Variants in OR10A2 observed in about 807,000 individuals in gnomAD.
OR10A2 encodes the protein olfactory receptor 10A2.
OR10A2 carries 15 observed loss-of-function variants against 13.7 expected under a neutral mutation model. That is an observed-to-expected ratio of 1.10 (90% CI 0.73 to 1.69). The LOEUF (loss-of-function observed/expected upper bound fraction) is 1.69. Ranked by LOEUF, OR10A2 falls within the 40% of genes most tolerant of loss-of-function variation. The pLI is 0.00. For missense variants in OR10A2, 343 were observed against 361.1 expected (o/e 0.95, Z 0.41); for synonymous variants, 145 against 144.7 (o/e 1.00, Z -0.02).
intron 1 of OR10A2, among the ~76,000 whole-genome samples, chr11:6,864,367 G>T (rs142393101): frequency 6.6e-5 from 10 of 151,850 alleles, no homozygotes; most frequent in African/African-American, 2.4e-4. Flanking sequence ...ACTCCAAGAA[G>T]AATGAACTTT....
intron 1 of OR10A2, among the ~76,000 whole-genome samples, chr11:6,869,285 G>A (rs1369807159): frequency 2.0e-5 from 3 of 152,190 alleles, no homozygotes; most frequent in Non-Finnish European, 2.9e-5. Context: ...CTTCATGATA[G>A]TTATAAATAT....
At chr11:6,866,628 T>C (rs1848380654) in intron 1 of OR10A2, among the ~76,000 whole-genome samples, 1 of 152,174 alleles carries the variant, frequency 6.6e-6, no homozygotes, top group African/African-American at 2.4e-5. Context: ...GGGGTCTTTA[T>C]AAGCATATAT....
chr11:6,867,214 T>TATC (rs1848385895), intron 1 of OR10A2, among the ~76,000 whole-genome samples: 1 of 151,452 alleles, frequency 6.6e-6, no homozygotes, highest in Admixed American at 6.6e-5. Flanking sequence ...TATTCTATAT[T>TATC]ATTATTATTA....
chr11:6,864,759 A>G (rs1848366710), intron 1 of OR10A2, among the ~76,000 whole-genome samples: 1 of 151,880 alleles, frequency 6.6e-6, no homozygotes, highest in Non-Finnish European at 1.5e-5. Flanking sequence ...GTGAAGCAGA[A>G]GAAGGAGAGA....
rs571104646 is a variant in OR10A2, at chr11:6,864,504, A to C, written c.-133+1153A>C. 2.0e-5 allele frequency among the ~76,000 whole-genome samples: 3 copies of C among 152,330 alleles called. No individual in the cohort carries two copies. In the South Asian group the frequency reaches 6.2e-4, roughly 32 times the overall value. ...ACAGTTTATACTATGGAGAAGTTTA[A>C]AGAGTGACATATATATTGGTAGTAG... On this transcript the variant is annotated intron_variant, in intron 1 of 1. Coordinates refer to ENST00000641461, the MANE Select transcript of OR10A2 (RefSeq NM_001004460.2).
chr11:6,870,488 C>G lies in OR10A2; in HGVS notation c.734C>G (p.Thr245Ser). ...CTTTTCTATATATCATTAAGCCTCA[C>G]CTACTTCCGGCCTAAATCAAATAAT... ...VSLFYISLSL[T>S]YFRPKSNNSP... is the part of the protein sequence containing the mutation. Residue 245 changes from threonine to serine, a missense_variant, in exon 2 of 2, where the codon ACC becomes AGC. Transcript: ENST00000641461. 2.5e-6 allele frequency: 4 copies of G among 1,614,202 alleles called. No homozygotes were observed. The highest frequency in any genetic ancestry group is 3.4e-6 in the Non-Finnish European group (4 of 1,180,016).
At chr11:6,864,496 G>A (rs1848364929) in intron 1 of OR10A2, among the ~76,000 whole-genome samples, 1 of 152,188 alleles carries the variant, frequency 6.6e-6, no homozygotes, top group Admixed American at 6.5e-5. Flanking sequence ...ATACTATGGA[G>A]AAGTTTAAAG....
chr11:6,865,005 AAT>A (rs1848368766), intron 1 of OR10A2, among the ~76,000 whole-genome samples: 1 of 67,248 alleles, frequency 1.5e-5, no homozygotes, highest in South Asian at 5.8e-4. Context: ...TGTATATATA[AAT>A]ATATATTAAA....
At position 6,874,657 on chromosome 11, in the gene OR10A2, T is replaced by A. The variant is rs1336910929; in HGVS notation, c.*3991T>A. 1 of 152,194 alleles carries A rather than the reference T, an allele frequency of 6.6e-6. No individual in the cohort carries two copies. The highest frequency in any genetic ancestry group is 1.5e-5 in the Non-Finnish European group (1 of 68,036). 9.4% of individuals were successfully genotyped at this position (152,194 alleles called of 1,614,324 possible). Reference sequence around the variant, plus strand: ...ATCTGTGTCTCAGATTCCTTGACTGTAAAATGGGTATAATACTATCTGTAT... The same window carrying A: ...ATCTGTGTCTCAGATTCCTTGACTGAAAAATGGGTATAATACTATCTGTAT... On this transcript the variant is annotated 3_prime_UTR_variant, in exon 2 of 2. Coordinates refer to ENST00000641461, the MANE Select transcript of OR10A2 (RefSeq NM_001004460.2).
chr11:6,870,907 A>C lies in OR10A2; in HGVS notation c.*241A>C. 2.7e-6 allele frequency: 1 copy of C among 376,604 alleles called. No homozygotes were observed. The highest frequency in any genetic ancestry group is 4.7e-6 in the Non-Finnish European group (1 of 210,862). The allele number at this position is 376,604 out of a possible 1,614,324, so 23.3% of individuals were successfully genotyped here. A position where few individuals can be genotyped will look rare whatever the true frequency, so the allele number is the denominator to read the frequency against. Reference sequence around the variant, plus strand: ...TGTTTTCCTTGTTTCAACTGGTATGACAGCACTTCTGTGGCCAACTATTTC... The same window carrying C: ...TGTTTTCCTTGTTTCAACTGGTATGCCAGCACTTCTGTGGCCAACTATTTC... On this transcript the variant is annotated 3_prime_UTR_variant, in exon 2 of 2. Transcript: ENST00000641461.
In OR10A2 at chr11:6,872,817, CTT is replaced by C. The variant is rs754974386; in HGVS notation, c.*2167_*2168del. The C allele has an allele frequency of 0.13, 17,145 of 136,204 alleles. 1,153 individuals carry two copies. The highest frequency in any genetic ancestry group is 0.22 in the Middle Eastern group (57 of 258). The allele number at this position is 136,204 out of a possible 1,614,324, so 8.4% of individuals were successfully genotyped here. ...TGTTTCTCTTTTCTTTTCTTTCTTT[CTT>C]TTTTTTTTTTTTTTTGAGACAAAGG... On this transcript the variant is annotated 3_prime_UTR_variant, in exon 2 of 2. Transcript: ENST00000641461.
At chr11:6,866,183 G>A (rs1014999076) in intron 1 of OR10A2, among the ~76,000 whole-genome samples, 1 of 152,166 alleles carries the variant, frequency 6.6e-6, no homozygotes, top group African/African-American at 2.4e-5. Context: ...ATACAGCACT[G>A]AGGAATATTC....
rs1206283202 is a variant in OR10A2 at position 6,874,117 on chromosome 11, T to C, written c.*3451T>C. 6.6e-6 allele frequency: 1 copy of C among 152,210 alleles called. No homozygotes were observed. Among genetic ancestry groups the C allele is most frequent in the Non-Finnish European group, 1.5e-5 (1 of 68,048 alleles). 9.4% of individuals were successfully genotyped at this position (152,210 alleles called of 1,614,324 possible). ...TATCATTGTTTCAGTCCGTGTGAAT[T>C]GTATGATGCTATATTATATTCTTTT... is the stretch of plus-strand genomic sequence containing the variant. On this transcript the variant is annotated 3_prime_UTR_variant, in exon 2 of 2. Transcript: ENST00000641461.
rs754733341 is a variant in OR10A2 at position 6,870,626 on chromosome 11, C to T, written c.872C>T (p.Thr291Met). Residue 291 changes from threonine to methionine, a missense_variant, in exon 2 of 2, where the codon ACG becomes ATG. Physicochemically the swap from Thr to Met is moderately conservative, Grantham distance 81. Transcript: ENST00000641461. ...GAGGTGAAGAATGCCCTCAGCAGGA[C>T]GGTCTCTAAGGCCCTAGCCCTCAGA... ...NNEVKNALSR[T>M]VSKALALRNC... 2.4e-5 allele frequency: 39 copies of T among 1,608,244 alleles called. No individual in the cohort carries two copies. In the East Asian group the frequency reaches 3.8e-4, roughly 16 times the overall value.
intron 1 of OR10A2, among the ~76,000 whole-genome samples, chr11:6,868,973 T>C (rs1848401742): frequency 6.6e-6 from 1 of 152,228 alleles, no homozygotes. Context: ...CCAATTCTAA[T>C]TCTCCTACAA....
rs754974386 is a variant in OR10A2 at position 6,872,817 on chromosome 11, CT to C, written c.*2168del. On this transcript the variant is annotated 3_prime_UTR_variant, in exon 2 of 2. Coordinates refer to ENST00000641461, the MANE Select transcript of OR10A2 (RefSeq NM_001004460.2). Reference sequence around the variant, plus strand: ...TGTTTCTCTTTTCTTTTCTTTCTTTCTTTTTTTTTTTTTTTTTGAGACAAAG... The same window carrying C: ...TGTTTCTCTTTTCTTTTCTTTCTTTCTTTTTTTTTTTTTTTTGAGACAAAG... The C allele has an allele frequency of 1.6e-3, 218 of 136,402 alleles. No homozygotes were observed. Among genetic ancestry groups the C allele is most frequent in the Middle Eastern group, 3.9e-3 (1 of 258 alleles). 8.4% of individuals were successfully genotyped at this position (136,402 alleles called of 1,614,324 possible).
chr11:6,870,693 C>G lies in OR10A2; in HGVS notation c.*27C>G, dbSNP rs1317260166. On this transcript the variant is annotated 3_prime_UTR_variant, in exon 2 of 2. Coordinates refer to ENST00000641461, the MANE Select transcript of OR10A2 (RefSeq NM_001004460.2). Reference sequence around the variant, plus strand: ...CCTTAGGAAGTAAGGCTACATTTTACTGGATGAGAAACAATCAGTCCCAGA... The same window carrying G: ...CCTTAGGAAGTAAGGCTACATTTTAGTGGATGAGAAACAATCAGTCCCAGA... The G allele has an allele frequency of 6.7e-7, 1 of 1,483,266 alleles. No homozygotes were observed. The highest frequency in any genetic ancestry group is 9.1e-7 in the Non-Finnish European group (1 of 1,102,120). 91.9% of individuals were successfully genotyped at this position (1,483,266 alleles called of 1,614,324 possible).
chr11:6,869,856 G>A lies in OR10A2; in HGVS notation c.102G>A (p.Leu34=). The change falls in exon 2 of 2, where the codon CTG becomes CTA. Residue 34 remains leucine (L), a synonymous_variant. Transcript: ENST00000641461. Reference sequence around the variant, plus strand: ...TGATGGGAAACTGCCTCATCATTCTGGTTACCCTAGCTGACCCCATGCTAC... The same window carrying A: ...TGATGGGAAACTGCCTCATCATTCTAGTTACCCTAGCTGACCCCATGCTAC... ...VTLMGNCLII[L]VTLADPMLHS... The A allele has an allele frequency of 1.2e-6, 2 of 1,614,024 alleles. No individual in the cohort carries two copies. The highest frequency in any genetic ancestry group is 1.7e-6 in the Non-Finnish European group (2 of 1,179,980).
At position 6,869,642 on chromosome 11, in the gene OR10A2, C is replaced by A. The variant is rs1848407839; in HGVS notation, c.-113C>A. The A allele has an allele frequency of 1.1e-5, 11 of 993,550 alleles. No individual in the cohort carries two copies. In the East Asian group the frequency reaches 2.6e-4, roughly 24 times the overall value. 61.5% of individuals were successfully genotyped at this position (993,550 alleles called of 1,614,324 possible). ...TGACAGTAAGAACGAGTCTGAAAAA[C>A]AAATTGAGAATCTGACTTCCAATCA... On this transcript the variant is annotated 5_prime_UTR_variant, in exon 2 of 2. Transcript: ENST00000641461.
Sources: allele counts gnomAD v4.1 joint callset (sites outside exome capture counted in the v4.1 genomes callset), GRCh38; gene constraint gnomAD v4.1.1; transcripts MANE v1.5; gene names NCBI Gene and HGNC (gene_info 2026-07-23, HGNC 2026-07-21).